PLCB1: variants seen among roughly 807,000 people sequenced by gnomAD.
PLCB1 encodes the protein phospholipase C beta 1, also known as 1-phosphatidylinositol 4,5-bisphosphate phosphodiesterase beta-1.
A neutral mutation model predicts 161.8 loss-of-function variants in PLCB1; 46 were observed. The observed-to-expected ratio is 0.28, with a 90% CI of 0.22 to 0.36. PLCB1 has a LOEUF of 0.36. Among genes scored for constraint, PLCB1 ranks in the 10% least tolerant of loss-of-function variants. The probability of loss-of-function intolerance (pLI) is 1.00; values close to 1 mark genes in which losing one functional copy is unlikely to be tolerated. For synonymous variants in PLCB1, 517 were observed against 503.7 expected (o/e 1.03, Z -0.35); for missense variants, 1,016 against 1,472.5 (o/e 0.69, Z 5.07).
chr20:8,509,427 A>G (rs1270964229), intron 3 of PLCB1, among the ~76,000 whole-genome samples: 1 of 152,250 alleles, frequency 6.6e-6, no homozygotes, highest in Non-Finnish European at 1.5e-5. Context: ...TTGAAAATAT[A>G]TGCAAAGTAA....
intron 1 of PLCB1, among the ~76,000 whole-genome samples, chr20:8,140,106 TC>T (rs2051387602): frequency 6.6e-6 from 1 of 152,196 alleles, no homozygotes; most frequent in South Asian, 2.1e-4. Context: ...TTCTTTGGCT[TC>T]AACAAAGCTG....
chr20:8,285,699 A>G (rs1983086150), intron 2 of PLCB1, among the ~76,000 whole-genome samples: 1 of 152,130 alleles, frequency 6.6e-6, no homozygotes, highest in Non-Finnish European at 1.5e-5. Flanking sequence ...CCAGGTCAGG[A>G]AGATGAGCCA....
chr20:8,287,688 C>G (rs1425615148), intron 2 of PLCB1, among the ~76,000 whole-genome samples: 4 of 152,150 alleles, frequency 2.6e-5, no homozygotes, highest in Non-Finnish European at 4.4e-5. Context: ...TTGGCTTGTT[C>G]ATTACCTCAA....
At chr20:8,400,423 G>T (rs1978499018) in intron 3 of PLCB1, among the ~76,000 whole-genome samples, 1 of 152,104 alleles carries the variant, frequency 6.6e-6, no homozygotes, top group Non-Finnish European at 1.5e-5. Flanking sequence ...GGTAGCAGTG[G>T]AATTGGTCTG....
chr20:8,661,015 A>T (rs754590355), intron 9 of PLCB1, among the ~76,000 whole-genome samples: 1 of 152,188 alleles, frequency 6.6e-6, no homozygotes, highest in African/African-American at 2.4e-5. Context: ...ATTTGAATTA[A>T]ATAATACCTG....
intron 3 of PLCB1, among the ~76,000 whole-genome samples, chr20:8,548,238 C>T (rs1284898734): frequency 7.0e-6 from 1 of 143,748 alleles, no homozygotes; most frequent in African/African-American, 2.6e-5. Context: ...TCCCTCCCTC[C>T]CCTCTTCCTC....
chr20:8,563,580 T>G (rs1233660632), intron 3 of PLCB1, among the ~76,000 whole-genome samples: 1 of 152,162 alleles, frequency 6.6e-6, no homozygotes, highest in African/African-American at 2.4e-5. Flanking sequence ...ATGACATGAT[T>G]GTATATTTAG....
At chr20:8,276,593 G>T (rs949815497) in intron 2 of PLCB1, among the ~76,000 whole-genome samples, 1 of 152,118 alleles carries the variant, frequency 6.6e-6, no homozygotes, top group Admixed American at 6.6e-5. Flanking sequence ...CCTTAAATGA[G>T]ATTTTTGCAT....
intron 3 of PLCB1, among the ~76,000 whole-genome samples, chr20:8,489,756 C>T (rs941901732): frequency 6.6e-6 from 1 of 152,184 alleles, no homozygotes; most frequent in Non-Finnish European, 1.5e-5. Flanking sequence ...AAAGTTCTTA[C>T]TTCTTGGAAG....
intron 3 of PLCB1, among the ~76,000 whole-genome samples, chr20:8,379,424 G>A (rs922510732): frequency 8.5e-5 from 13 of 152,086 alleles, no homozygotes; most frequent in South Asian, 2.1e-4. Flanking sequence ...GTGTGCATGC[G>A]TCTTTATAAT....
chr20:8,436,460 C>A (rs1980315726), intron 3 of PLCB1, among the ~76,000 whole-genome samples: 1 of 150,210 alleles, frequency 6.7e-6, no homozygotes, highest in Non-Finnish European at 1.5e-5. Flanking sequence ...ACAACAAACA[C>A]TTCAGGTTTA....
chr20:8,770,936 G>A (rs2146199454), intron 26 of PLCB1, among the ~76,000 whole-genome samples: 1 of 152,088 alleles, frequency 6.6e-6, no homozygotes, highest in East Asian at 1.9e-4. Context: ...GTATTTACTT[G>A]TAAGTCATAT....
At chr20:8,687,980 C>G (rs909741876) in intron 10 of PLCB1, among the ~76,000 whole-genome samples, 3 of 152,184 alleles carry the variant, frequency 2.0e-5, no homozygotes, top group Admixed American at 6.5e-5. Flanking sequence ...CTGATTGCTG[C>G]ATCCATGCCA....
At chr20:8,550,391 T>TC in intron 3 of PLCB1, among the ~76,000 whole-genome samples, 1 of 151,972 alleles carries the variant, frequency 6.6e-6, no homozygotes, top group Non-Finnish European at 1.5e-5. Context: ...AGGGGTGGCT[T>TC]CCCCCGTGTT....
intron 2 of PLCB1, among the ~76,000 whole-genome samples, chr20:8,330,862 A>G (rs900989372): frequency 2.0e-5 from 3 of 152,220 alleles, no homozygotes; most frequent in African/African-American, 7.2e-5. Flanking sequence ...AAATACAATG[A>G]ACTATGAAGG....
At chr20:8,138,868 T>C (rs893721157) in intron 1 of PLCB1, among the ~76,000 whole-genome samples, 1 of 152,182 alleles carries the variant, frequency 6.6e-6, no homozygotes, top group African/African-American at 2.4e-5. Context: ...TCTCAAAATT[T>C]TTATTTCAAT....
chr20:8,568,822 T>A (rs138723826), intron 3 of PLCB1, among the ~76,000 whole-genome samples: 1 of 152,254 alleles, frequency 6.6e-6, no homozygotes, highest in South Asian at 2.1e-4. Flanking sequence ...ACAAAGAGTT[T>A]ATCTGGAAGG....
rs768626125 is a variant in PLCB1, at chr20:8,304,948, C to T, written c.178-66434C>T. On this transcript the variant is annotated intron_variant, in intron 2 of 31. Transcript: ENST00000338037. ...ATTTCAGCCATACCTGTCCTGGAGA[C>T]AAGAGCCATTGCTAGTTTTCTATGG... is the stretch of plus-strand genomic sequence containing the variant. Among the ~76,000 whole-genome samples the T allele has an allele frequency of 2.6e-5, 4 of 152,300 alleles. No individual in the cohort carries two copies. In the East Asian group the frequency reaches 7.7e-4, roughly 29 times the overall value.
At chr20:8,700,326 T>C (rs1990670329) in intron 11 of PLCB1, among the ~76,000 whole-genome samples, 1 of 152,268 alleles carries the variant, frequency 6.6e-6, no homozygotes, top group African/African-American at 2.4e-5. Flanking sequence ...CCAAGTTCTC[T>C]GAGTTCCTTG....
Sources: allele counts gnomAD v4.1 joint callset (sites outside exome capture counted in the v4.1 genomes callset), GRCh38; gene constraint gnomAD v4.1.1; transcripts MANE v1.5; gene names NCBI Gene and HGNC (gene_info 2026-07-23, HGNC 2026-07-21).